The following UQCC2 variants were observed in gnomAD, a reference collection of about 807,000 sequenced individuals.
UQCC2 encodes the protein ubiquinol-cytochrome c reductase complex assembly factor 2.
Under a neutral mutation model 19.9 loss-of-function variants are expected in UQCC2, and 21 were observed. The ratio of observed to expected loss-of-function variants is 1.05; its 90% confidence interval spans 0.75 to 1.52. The LOEUF is 1.52. Ranked by LOEUF, UQCC2 falls within the 40% of genes most tolerant of loss-of-function variation. The pLI is 0.00. For synonymous variants in UQCC2, 57 were observed against 60.9 expected (o/e 0.94, Z 0.30); for missense variants, 135 against 157.5 (o/e 0.86, Z 0.76).
intron 1 of UQCC2, among the ~76,000 whole-genome samples, chr6:33,701,625 T>C (rs536516672): frequency 3.5e-4 from 53 of 152,234 alleles, no homozygotes; most frequent in Non-Finnish European, 6.6e-4. Flanking sequence ...CTCTGCCTCA[T>C]CAACTCCCCA....
intron 3 of UQCC2, chr6:33,698,799 G>A (rs1180108132): frequency 6.6e-6 from 1 of 152,150 alleles, no homozygotes; most frequent in Non-Finnish European, 1.5e-5. Context: ...ATGTCCCCTG[G>A]GGGGCAAAAC....
At position 33,697,764 on chromosome 6, in the gene UQCC2, A is replaced by C. The variant is rs763582523; in HGVS notation, c.284-14T>G. 3 of 1,603,756 alleles carry C rather than the reference A, an allele frequency of 1.9e-6. No homozygotes were observed. Among genetic ancestry groups the C allele is most frequent in the Non-Finnish European group, 2.6e-6 (3 of 1,172,596 alleles). ...CTTCCAAGGTGTCTGCAAAAGGGGA[A>C]GACAAAAAGAGAGAGGGACTGAAGT... On this transcript the variant is annotated splice_polypyrimidine_tract_variant and intron_variant, in intron 3 of 3. Coordinates refer to ENST00000607484, the MANE Select transcript of UQCC2 (RefSeq NM_032340.4).
chr6:33,703,167 C>G (rs929929078), intron 1 of UQCC2, among the ~76,000 whole-genome samples: 2 of 152,242 alleles, frequency 1.3e-5, no homozygotes, highest in Non-Finnish European at 2.9e-5. Context: ...GCGAACACAT[C>G]TGGAACATTT....
intron 3 of UQCC2, among the ~76,000 whole-genome samples, chr6:33,699,551 A>T (rs1173029993): frequency 1.3e-5 from 2 of 152,194 alleles, no homozygotes; most frequent in Non-Finnish European, 1.5e-5. Context: ...ATTAAAAAAA[A>T]TTGCCAATAA....
intron 1 of UQCC2, among the ~76,000 whole-genome samples, chr6:33,704,276 G>A (rs1476348917): frequency 6.6e-6 from 1 of 152,184 alleles, no homozygotes; most frequent in East Asian, 1.9e-4. Flanking sequence ...AGGTGCTATG[G>A]GCCTATGGGG....
chr6:33,711,601 G>T lies in UQCC2; in HGVS notation c.86C>A (p.Ala29Asp), dbSNP rs1247717934. Residue 29 changes from alanine to aspartate, a missense_variant, in exon 1 of 4, where the codon GCT becomes GAT. Coordinates refer to ENST00000607484, the MANE Select transcript of UQCC2 (RefSeq NM_032340.4). ...DETKRGRDLGAYLRQRVAQAF... is the reference protein window; with the variant it reads ...DETKRGRDLGDYLRQRVAQAF... ...CTGTGCTACCCGCTGTCGCAGGTAA[G>T]CGCCCAAGTCCCGGCCCCGTTTGGT... 3 of 1,613,842 alleles carry T rather than the reference G, an allele frequency of 1.9e-6. No homozygotes were observed. The African/African-American group carries it at 4.0e-5, about 22-fold the overall frequency.
intron 1 of UQCC2, among the ~76,000 whole-genome samples, chr6:33,708,877 G>C (rs1765732133): frequency 6.6e-6 from 1 of 152,136 alleles, no homozygotes; most frequent in African/African-American, 2.4e-5. Flanking sequence ...GTGACATTAG[G>C]ATGAGGTACC....
chr6:33,710,684 C>T (rs1765756035), intron 1 of UQCC2, among the ~76,000 whole-genome samples: 1 of 152,218 alleles, frequency 6.6e-6, no homozygotes, highest in Non-Finnish European at 1.5e-5. Context: ...ATCTGTCTTA[C>T]GTACACTTAC....
At chr6:33,710,513 C>G (rs6916949) in intron 1 of UQCC2, among the ~76,000 whole-genome samples, 63,466 of 152,118 alleles carry the variant, frequency 0.42, 15,682 homozygotes, top group East Asian at 0.86. Flanking sequence ...CCTCCTGCCT[C>G]TGGACATGTG....
chr6:33,705,375 G>GA (rs1313841785), intron 1 of UQCC2, among the ~76,000 whole-genome samples: 2 of 152,082 alleles, frequency 1.3e-5, no homozygotes, highest in Non-Finnish European at 1.5e-5. Flanking sequence ...CAGTCTCCTA[G>GA]AGAGTTCCCA....
At chr6:33,710,129 G>A (rs969451599) in intron 1 of UQCC2, among the ~76,000 whole-genome samples, 2 of 152,084 alleles carry the variant, frequency 1.3e-5, no homozygotes, top group African/African-American at 4.8e-5. Flanking sequence ...AAGTCCTGCT[G>A]ACTCAACCTG....
intron 1 of UQCC2, among the ~76,000 whole-genome samples, chr6:33,704,054 T>A (rs1765670562): frequency 6.6e-6 from 1 of 152,156 alleles, no homozygotes; most frequent in Non-Finnish European, 1.5e-5. Flanking sequence ...AGCCCCTACG[T>A]CCCCGGTGGT....
chr6:33,710,208 C>G (rs367600599), intron 1 of UQCC2, among the ~76,000 whole-genome samples: 4 of 152,150 alleles, frequency 2.6e-5, no homozygotes, highest in African/African-American at 9.7e-5. Context: ...CACCATCTGT[C>G]GCTTATAGTA....
intron 1 of UQCC2, among the ~76,000 whole-genome samples, chr6:33,706,492 A>C (rs1765700125): frequency 6.6e-6 from 1 of 152,064 alleles, no homozygotes; most frequent in Non-Finnish European, 1.5e-5. Flanking sequence ...GCAATGTGTA[A>C]GTGAGAGCCA....
At position 33,697,624 on chromosome 6, in the gene UQCC2, T is replaced by C. The variant is rs1396751862; in HGVS notation, c.*29A>G. 3.9e-6 allele frequency: 6 copies of C among 1,552,730 alleles called. No individual in the cohort carries two copies. The South Asian group carries it at 6.9e-5, about 18-fold the overall frequency. On this transcript the variant is annotated 3_prime_UTR_variant, in exon 4 of 4. Transcript: ENST00000607484. Reference sequence around the variant, plus strand: ...ATGGCAATGTACAAGACTCCACACCTAGGTATGTGCACGAGGTAAGGCCTG... The same window carrying C: ...ATGGCAATGTACAAGACTCCACACCCAGGTATGTGCACGAGGTAAGGCCTG...
chr6:33,702,016 G>T (rs9394161), intron 1 of UQCC2, among the ~76,000 whole-genome samples: 1 of 151,358 alleles, frequency 6.6e-6, no homozygotes, highest in South Asian at 2.1e-4. Flanking sequence ...AGATTCTTTT[G>T]TTTTTTTTGA....
chr6:33,707,564 T>G (rs1291335890), intron 1 of UQCC2, among the ~76,000 whole-genome samples: 2 of 152,248 alleles, frequency 1.3e-5, no homozygotes, highest in Admixed American at 6.5e-5. Flanking sequence ...AATATTATTA[T>G]ACTTAAACTT....
rs550580339 is a variant in UQCC2, at chr6:33,697,724, C to A, written c.310G>T (p.Asp104Tyr). ...TGCAGTTTCTTCCACATGCCTTTAT[C>A]TATTTCCTTAAGCTCTTCCAAGGTG... ...TDTLEELKEI[D>Y]KGMWKKLQEK... The change falls in exon 4 of 4, where the codon GAT becomes TAT. Residue 104 changes from aspartate (D) to tyrosine (Y), a missense_variant. Transcript: ENST00000607484. 6.2e-7 allele frequency: 1 copy of A among 1,614,142 alleles called. No homozygotes were observed. The highest frequency in any genetic ancestry group is 8.5e-7 in the Non-Finnish European group (1 of 1,180,020).
At chr6:33,708,074 A>C (rs542441) in intron 1 of UQCC2, among the ~76,000 whole-genome samples, 51,571 of 152,136 alleles carry the variant, frequency 0.34, 9,224 homozygotes, top group Non-Finnish European at 0.4. Context: ...TAGTTAACCC[A>C]GCTTTTCTCC....
Sources: allele counts gnomAD v4.1 joint callset (sites outside exome capture counted in the v4.1 genomes callset), GRCh38; gene constraint gnomAD v4.1.1; transcripts MANE v1.5; gene names NCBI Gene and HGNC (gene_info 2026-07-23, HGNC 2026-07-21).